AUTS2: variants seen among roughly 807,000 people sequenced by gnomAD.
AUTS2 encodes activator of transcription and developmental regulator AUTS2, also known as autism susceptibility gene 2 protein.
AUTS2 carries 17 observed loss-of-function variants against 112.4 expected under a neutral mutation model. The ratio of observed to expected loss-of-function variants is 0.15; its 90% CI spans 0.10 to 0.23. The LOEUF is 0.23. AUTS2 is among the 10% of genes least tolerant of loss of function. AUTS2 has a pLI of 1.00. For synonymous variants in AUTS2, 751 were observed against 702.7 expected, an observed-to-expected ratio of 1.07 and a Z score of -1.09; for missense variants, 1,510 against 1,701.6, an observed-to-expected ratio of 0.89 and a Z score of 1.98.
chr7:70,527,668 A>G (rs995642866), intron 5 of AUTS2, among the ~76,000 whole-genome samples: 3 of 152,260 alleles, frequency 2.0e-5, no homozygotes, highest in Non-Finnish European at 4.4e-5. Context: ...CTACATAAAT[A>G]GCACTAAATA....
chr7:70,118,502 G>A (rs988038938), intron 3 of AUTS2: 1 of 276,270 alleles, frequency 3.6e-6, no homozygotes, highest in African/African-American at 2.2e-5. Flanking sequence ...AACAAGGCCG[G>A]GCACGGTGGC....
chr7:69,740,569 G>T (rs1444271656), intron 1 of AUTS2, among the ~76,000 whole-genome samples: 1 of 151,942 alleles, frequency 6.6e-6, no homozygotes, highest in Non-Finnish European at 1.5e-5. Context: ...TGTTGCCCAG[G>T]CTGGAGTGCA....
intron 1 of AUTS2, among the ~76,000 whole-genome samples, chr7:69,787,070 T>C (rs1481789194): frequency 6.6e-6 from 1 of 152,196 alleles, no homozygotes; most frequent in Non-Finnish European, 1.5e-5. Flanking sequence ...TGAACTCAGC[T>C]CTTTCTGGCT....
chr7:70,639,838 C>T (rs553835339), intron 5 of AUTS2, among the ~76,000 whole-genome samples: 2 of 152,074 alleles, frequency 1.3e-5, no homozygotes, highest in African/African-American at 2.4e-5. Flanking sequence ...GTTTCCCTAT[C>T]AGAAGTCAGA....
At chr7:69,859,244 A>G (rs140066091) in intron 1 of AUTS2, among the ~76,000 whole-genome samples, 167 of 152,348 alleles carry the variant, frequency 1.1e-3, no homozygotes, top group African/African-American at 3.9e-3. Flanking sequence ...AAAAGGAAAT[A>G]GAAATAAAGA....
chr7:70,520,095 A>G (rs1355406640), intron 5 of AUTS2, among the ~76,000 whole-genome samples: 1 of 152,108 alleles, frequency 6.6e-6, no homozygotes, highest in African/African-American at 2.4e-5. Context: ...CTGAAGCATG[A>G]AAGTTTTCTA....
rs541524656 is a variant in AUTS2 at position 69,819,581 on chromosome 7, G to A, written c.310-79705G>A. Reference sequence around the variant, plus strand: ...AAACTATTGGCTGCCTGTTCATGTTGTGCACAGTGGATCAGAGGCATATGG... The same window carrying A: ...AAACTATTGGCTGCCTGTTCATGTTATGCACAGTGGATCAGAGGCATATGG... On this transcript the variant is annotated intron_variant, in intron 1 of 18. Transcript: ENST00000342771. Among the ~76,000 whole-genome samples the A allele has an allele frequency of 9.2e-5, 14 of 152,324 alleles. No homozygotes were observed. The South Asian group carries it at 2.7e-3, about 29-fold the overall frequency.
chr7:69,886,597 C>G (rs953026453), intron 1 of AUTS2, among the ~76,000 whole-genome samples: 1 of 152,168 alleles, frequency 6.6e-6, no homozygotes, highest in African/African-American at 2.4e-5. Flanking sequence ...CAGAATGTCT[C>G]TCTCTTCCCC....
At chr7:70,295,552 A>T (rs535497493) in intron 4 of AUTS2, among the ~76,000 whole-genome samples, 15 of 152,240 alleles carry the variant, frequency 9.9e-5, no homozygotes, top group African/African-American at 3.6e-4. Flanking sequence ...ACTGTTCCAC[A>T]CTGCATATTT....
chr7:69,752,817 G>A (rs1210216903), intron 1 of AUTS2, among the ~76,000 whole-genome samples: 1 of 152,166 alleles, frequency 6.6e-6, no homozygotes, highest in Non-Finnish European at 1.5e-5. Context: ...AATTTCTAAG[G>A]AGTCAGTGAT....
chr7:69,955,256 A>G (rs1449031224), intron 2 of AUTS2, among the ~76,000 whole-genome samples: 1 of 152,158 alleles, frequency 6.6e-6, no homozygotes, highest in Middle Eastern at 3.2e-3. Context: ...ACAGACCATT[A>G]TCTCTTCTGC....
intron 1 of AUTS2, among the ~76,000 whole-genome samples, chr7:69,771,208 A>G (rs1377020865): frequency 6.6e-6 from 1 of 152,206 alleles, no homozygotes; most frequent in Non-Finnish European, 1.5e-5. Context: ...ATCTTCCTGT[A>G]TGTGAACTCA....
chr7:70,061,950 G>C (rs1214822551), intron 2 of AUTS2, among the ~76,000 whole-genome samples: 1 of 151,574 alleles, frequency 6.6e-6, no homozygotes, highest in African/African-American at 2.4e-5. Flanking sequence ...ACCATGCCCA[G>C]CTAATTTTTC....
At chr7:70,549,913 T>C (rs370688941) in intron 5 of AUTS2, among the ~76,000 whole-genome samples, 1 of 152,232 alleles carries the variant, frequency 6.6e-6, no homozygotes, top group African/African-American at 2.4e-5. Context: ...TCTTCATGTC[T>C]ACCTATTGTT....
intron 4 of AUTS2, among the ~76,000 whole-genome samples, chr7:70,391,262 G>C (rs1427624056): frequency 6.6e-6 from 1 of 152,120 alleles, no homozygotes. Flanking sequence ...GTGTTTTGTT[G>C]GCTTGTCTCT....
chr7:69,599,836 G>A lies in AUTS2; in HGVS notation c.183G>A (p.Lys61=), dbSNP rs552587555. 18 of 1,611,202 alleles carry A rather than the reference G, an allele frequency of 1.1e-5. No homozygotes were observed. In the East Asian group the frequency reaches 1.6e-4, roughly 14 times the overall value. The change falls in exon 1 of 19, where the codon AAG becomes AAA. Residue 61 remains lysine, a synonymous_variant. Transcript: ENST00000342771. The surrounding 1 kb of genome is among the most constrained non-coding windows in gnomAD (Gnocchi z 7.0). Reference sequence around the variant, plus strand: ...GCTCCGACAAGGAAGACAATGGGAAGCCCCCGTCCTCCGCCCCGTCCCGGC... The same window carrying A: ...GCTCCGACAAGGAAGACAATGGGAAACCCCCGTCCTCCGCCCCGTCCCGGC... ...SSGSDKEDNG[K]PPSSAPSRPR...
intron 4 of AUTS2, among the ~76,000 whole-genome samples, chr7:70,282,565 G>T (rs1788271578): frequency 6.6e-6 from 1 of 152,010 alleles, no homozygotes; most frequent in Non-Finnish European, 1.5e-5. Context: ...ACTCATGAAG[G>T]CTTCACCCTC....
intron 4 of AUTS2, among the ~76,000 whole-genome samples, chr7:70,431,058 C>T (rs930706835): frequency 6.6e-6 from 1 of 151,978 alleles, no homozygotes; most frequent in Non-Finnish European, 1.5e-5. Context: ...GGGATGGTCT[C>T]GATCTCCTGA....
chr7:70,410,159 T>C (rs114652023), intron 4 of AUTS2, among the ~76,000 whole-genome samples: 4 of 152,320 alleles, frequency 2.6e-5, no homozygotes, highest in African/African-American at 9.6e-5. Flanking sequence ...TCAGGTGGGA[T>C]TAATTTTGAC....
Sources: allele counts gnomAD v4.1 joint callset (sites outside exome capture counted in the v4.1 genomes callset), GRCh38; gene constraint gnomAD v4.1.1; non-coding constraint Gnocchi (gnomAD v3.1); transcripts MANE v1.5; gene names NCBI Gene and HGNC (gene_info 2026-07-23, HGNC 2026-07-21).